Variants in FLT4 observed in about 807,000 individuals in gnomAD.
FLT4 encodes vascular endothelial growth factor receptor 3.
Under a neutral mutation model 163.2 loss-of-function variants are expected in FLT4, and 30 were observed. That is an observed-to-expected ratio of 0.18 (90% confidence interval 0.14 to 0.25). The LOEUF (loss-of-function observed/expected upper bound fraction) is 0.25, where lower values mean the gene tolerates loss of function less well. Among genes scored for constraint, FLT4 ranks in the 10% least tolerant of loss-of-function variants. The pLI is 1.00. For missense variants in FLT4, 1,510 were observed against 1,863.8 expected, an observed-to-expected ratio of 0.81 and a Z score of 3.50; for synonymous variants, 884 against 789.5, an observed-to-expected ratio of 1.12 and a Z score of -2.01.
chr5:180,621,884 T>C lies in FLT4; in HGVS notation c.1678A>G (p.Ile560Val). Residue 560 changes from isoleucine (I) to valine (V), a missense_variant, in exon 13 of 30, where the codon ATC becomes GTC. This residue lies in a region of FLT4 where 878 missense variants were observed against 1,016.7 expected (regional missense o/e 0.86). Transcript: ENST00000261937. ...AGCTCCTCGGATGGCTTGGATTCGA[T>C]GGTGAAGCCGTCGGGGATGGCTGTG... ...YVTTIPDGFT[I>V]ESKPSEELLE... The C allele has an allele frequency of 6.2e-7, 1 of 1,613,522 alleles. No homozygotes were observed. The highest frequency in any genetic ancestry group is 8.5e-7 in the Non-Finnish European group (1 of 1,179,966).
chr5:180,642,633 G>A (rs368812112), intron 1 of FLT4, among the ~76,000 whole-genome samples: 21 of 152,214 alleles, frequency 1.4e-4, no homozygotes, highest in African/African-American at 5.1e-4. Flanking sequence ...AGCTCTCCTG[G>A]GCTCCAGTCC....
chr5:180,602,168 T>C lies in FLT4; in HGVS notation c.*1024A>G, dbSNP rs991514868. On this transcript the variant is annotated 3_prime_UTR_variant, in exon 30 of 30. Transcript: ENST00000261937. ...CTGAGTGCTGGGTGGCACAGGGCAA[T>C]GCTGGGTGGTCCTTTGTGCCAGCCC... is the stretch of plus-strand genomic sequence containing the variant. 8.5e-6 allele frequency: 2 copies of C among 234,568 alleles called. No individual in the cohort carries two copies. The highest frequency in any genetic ancestry group is 4.4e-5 in the African/African-American group (2 of 45,392). 14.5% of individuals were successfully genotyped at this position (234,568 alleles called of 1,614,324 possible).
At chr5:180,609,377 T>C in intron 28 of FLT4, 1 of 468,920 alleles carries the variant, frequency 2.1e-6, no homozygotes, top group Admixed American at 3.4e-5. Flanking sequence ...CCTCACAACC[T>C]GGCAGCTCGT....
At chr5:180,604,943 T>C (rs1193416320) in intron 29 of FLT4, among the ~76,000 whole-genome samples, 3 of 152,222 alleles carry the variant, frequency 2.0e-5, no homozygotes, top group Non-Finnish European at 2.9e-5. Flanking sequence ...TGTGGTGCCC[T>C]GGTTTTAGAA....
chr5:180,640,856 G>A (rs575899335), intron 1 of FLT4, among the ~76,000 whole-genome samples: 1 of 152,196 alleles, frequency 6.6e-6, no homozygotes, highest in African/African-American at 2.4e-5. Context: ...CCATACCCTG[G>A]TGGGACAGGG....
chr5:180,621,919 AG>A lies in FLT4; in HGVS notation c.1658-16del. The A allele has an allele frequency of 6.2e-7, 1 of 1,613,068 alleles. No individual in the cohort carries two copies. Among genetic ancestry groups the A allele is most frequent in the Non-Finnish European group, 8.5e-7 (1 of 1,179,916 alleles). On this transcript the variant is annotated splice_polypyrimidine_tract_variant and intron_variant, in intron 12 of 29. Transcript: ENST00000261937. ...GTCGGGGATGGCTGTGGAGGGAGGA[AG>A]AAGCCCTGTGGCACTGCCCTGGGAG...
intron 1 of FLT4, among the ~76,000 whole-genome samples, chr5:180,645,572 G>C (rs1401719767): frequency 1.3e-5 from 2 of 152,166 alleles, no homozygotes; most frequent in African/African-American, 4.8e-5. Flanking sequence ...TGACCTCGCC[G>C]GCCACGTGGC....
chr5:180,604,525 C>G (rs1561685177), intron 29 of FLT4, among the ~76,000 whole-genome samples: 1 of 152,194 alleles, frequency 6.6e-6, no homozygotes, highest in Non-Finnish European at 1.5e-5. Flanking sequence ...TCAAGTTACA[C>G]TATGTCATTC....
intron 8 of FLT4, among the ~76,000 whole-genome samples, chr5:180,627,268 G>A (rs1420416043): frequency 6.6e-6 from 1 of 152,196 alleles, no homozygotes; most frequent in East Asian, 1.9e-4. Flanking sequence ...AGGGGAGGCA[G>A]GGGCCCATTC....
intron 29 of FLT4, among the ~76,000 whole-genome samples, chr5:180,608,710 C>T (rs926129758): frequency 2.6e-5 from 4 of 152,140 alleles, no homozygotes; most frequent in African/African-American, 9.7e-5. Flanking sequence ...GTCAGAAAGA[C>T]ACAGCATCTG....
At position 180,619,247 on chromosome 5, in the gene FLT4, C is replaced by G. The variant is rs1762923879; in HGVS notation, c.2761+6G>C. 1 of 1,605,046 alleles carries G rather than the reference C, an allele frequency of 6.2e-7. No individual in the cohort carries two copies. Among genetic ancestry groups the G allele is most frequent in the Admixed American group, 1.7e-5 (1 of 59,758 alleles). On this transcript the variant is annotated splice_donor_region_variant and intron_variant, in intron 19 of 29. Coordinates refer to ENST00000261937, the MANE Select transcript of FLT4 (RefSeq NM_182925.5). Reference sequence around the variant, plus strand: ...TCGCCGTCCCAGCGGGCCGCCCGCTCCGTACCCTGCGGCTTGGTGCACGCC... The same window carrying G: ...TCGCCGTCCCAGCGGGCCGCCCGCTGCGTACCCTGCGGCTTGGTGCACGCC...
intron 10 of FLT4, 78 bp downstream of exon 10, chr5:180,625,790 GT>G: frequency 7.5e-7 from 1 of 1,338,644 alleles, no homozygotes; most frequent in African/African-American, 1.4e-5. Flanking sequence ...GCAGTGAGGG[GT>G]GCTGTAAAGG....
Position 180,620,737 on chromosome 5 carries a change from G to GGTGT in FLT4, c.2300-23_2300-22insACAC. ...GAGCCTGCGTGGGCAGAAAGGGGCC[G>GGTGT]GCGTGTGTGTGTGTGTGTGTAAGAG... is the stretch of plus-strand genomic sequence containing the variant. On this transcript the variant is annotated intron_variant, in intron 15 of 29. Coordinates refer to ENST00000261937, the MANE Select transcript of FLT4 (RefSeq NM_182925.5). This position sits in a 1 kb window ranked among gnomAD's most constrained non-coding sequence, Gnocchi z 4.4. 6.7e-7 allele frequency: 1 copy of GGTGT among 1,497,708 alleles called. No homozygotes were observed. The allele number at this position is 1,497,708 out of a possible 1,614,324, so 92.8% of individuals were successfully genotyped here.
Position 180,620,744 on chromosome 5 carries a change from G to A in FLT4, c.2300-29C>T, listed in dbSNP as rs1344566883. On this transcript the variant is annotated intron_variant, in intron 15 of 29. Coordinates refer to ENST00000261937, the MANE Select transcript of FLT4 (RefSeq NM_182925.5). This position sits in a 1 kb window ranked among gnomAD's most constrained non-coding sequence, Gnocchi z 4.4. ...CGTGGGCAGAAAGGGGCCGGCGTGT[G>A]TGTGTGTGTGTGTAAGAGCGTGCAC... 1 of 1,597,492 alleles carries A rather than the reference G, an allele frequency of 6.3e-7. No individual in the cohort carries two copies. The highest frequency in any genetic ancestry group is 1.3e-5 in the African/African-American group (1 of 74,564).
intron 8 of FLT4, among the ~76,000 whole-genome samples, chr5:180,626,662 A>G (rs1283448591): frequency 6.6e-6 from 1 of 152,124 alleles, no homozygotes; most frequent in Non-Finnish European, 1.5e-5. Context: ...AGGGTCCCAC[A>G]CACCTGGTTC....
At position 180,630,202 on chromosome 5, in the gene FLT4, C is replaced by T. The variant is rs764152820; in HGVS notation, c.513+23G>A. ...AGGGGTGGGATGGGAGGGTCGGATG[C>T]TGGGGTTGGGGTGGGGCCGTACCGA... On this transcript the variant is annotated intron_variant, in intron 4 of 29. Coordinates refer to ENST00000261937, the MANE Select transcript of FLT4 (RefSeq NM_182925.5). This position sits in a 1 kb window ranked among gnomAD's most constrained non-coding sequence, Gnocchi z 6.3. 3.7e-6 allele frequency: 6 copies of T among 1,608,242 alleles called. No homozygotes were observed. The highest frequency in any genetic ancestry group is 1.7e-5 in the Admixed American group (1 of 59,964).
chr5:180,628,734 G>C, intron 8 of FLT4, 148 bp downstream of exon 8: 1 of 651,680 alleles, frequency 1.5e-6, no homozygotes, highest in Admixed American at 2.5e-5. Flanking sequence ...GGGTTCCTTG[G>C]GGGGTCTCCT....
At chr5:180,606,511 C>G (rs1366887116) in intron 29 of FLT4, among the ~76,000 whole-genome samples, 1 of 152,208 alleles carries the variant, frequency 6.6e-6, no homozygotes, top group African/African-American at 2.4e-5. Flanking sequence ...CCCCAACTCA[C>G]GTTTCCACGG....
chr5:180,647,087 C>CCACA (rs1765525804), intron 1 of FLT4, among the ~76,000 whole-genome samples: 1 of 152,194 alleles, frequency 6.6e-6, no homozygotes, highest in Admixed American at 6.5e-5. Flanking sequence ...GCCTTTGTGA[C>CCACA]CCAGGTCACA....
Sources: gnomAD v4.1 joint callset for allele counts (sites outside exome capture counted in the v4.1 genomes callset) on GRCh38, gnomAD v4.1.1 for gene constraint, gnomAD v4.1.1 regional missense constraint, Gnocchi (gnomAD v3.1) non-coding constraint, MANE v1.5 for transcripts, NCBI Gene and HGNC (gene_info 2026-07-23, HGNC 2026-07-21) for gene names.